CLEC1A: variants seen among roughly 807,000 people sequenced by gnomAD.
The protein encoded by CLEC1A is C-type lectin-like receptor-1.
CLEC1A carries 34 observed loss-of-function variants against 28.7 expected under a neutral mutation model. The observed-to-expected ratio is 1.18, with a 90% confidence interval of 0.90 to 1.57. The LOEUF is 1.57. Among genes scored for constraint, CLEC1A ranks in the 40% most tolerant of loss-of-function variants. The pLI, the probability that CLEC1A is intolerant of heterozygous loss-of-function variation, is 0.00. For missense variants in CLEC1A, 385 were observed against 339.5 expected (o/e 1.13, Z -1.05); for synonymous variants, 116 against 121.0 (o/e 0.96, Z 0.27).
intron 3 of CLEC1A, among the ~76,000 whole-genome samples, chr12:10,077,251 T>C (rs1389757930): frequency 6.6e-6 from 1 of 152,140 alleles, no homozygotes; most frequent in Non-Finnish European, 1.5e-5. Flanking sequence ...TGATATACTA[T>C]TACTTAAACC....
chr12:10,087,190 G>A (rs1399359469), intron 2 of CLEC1A, among the ~76,000 whole-genome samples: 7 of 93,100 alleles, frequency 7.5e-5, no homozygotes, highest in African/African-American at 3.0e-4. Context: ...GGGCGACAGT[G>A]TAAGACTCCA....
At chr12:10,096,224 T>C (rs1182879055) in intron 1 of CLEC1A, among the ~76,000 whole-genome samples, 4 of 152,290 alleles carry the variant, frequency 2.6e-5, no homozygotes, top group South Asian at 2.1e-4. Flanking sequence ...ATTCATCATC[T>C]TTCCTGTCCC....
rs144456767 is a variant in CLEC1A at position 10,086,827 on chromosome 12, C to A, written c.214+2297G>T. On this transcript the variant is annotated intron_variant, in intron 2 of 5. Transcript: ENST00000315330. ...CTATGAAGCCAGTATCACACTAATA[C>A]CAAAACCAGGAAAGCACAGAACAAA... Among the ~76,000 whole-genome samples, 1,222 of 152,184 alleles carry A rather than the reference C, an allele frequency of 8.0e-3. 9 individuals carry two copies. The highest frequency in any genetic ancestry group is 0.013 in the Non-Finnish European group (896 of 68,000).
intron 3 of CLEC1A, among the ~76,000 whole-genome samples, chr12:10,076,124 C>T (rs1291482598): frequency 6.6e-6 from 1 of 152,068 alleles, no homozygotes; most frequent in Non-Finnish European, 1.5e-5. Flanking sequence ...GAAAAAAATA[C>T]TGAGGCAAGC....
intron 1 of CLEC1A, among the ~76,000 whole-genome samples, chr12:10,094,078 A>G (rs1947745427): frequency 6.6e-6 from 1 of 152,142 alleles, no homozygotes; most frequent in Non-Finnish European, 1.5e-5. Flanking sequence ...TGAGGTTCTA[A>G]TTCACAGTAT....
At chr12:10,077,114 A>C (rs140646665) in intron 3 of CLEC1A, among the ~76,000 whole-genome samples, 1,976 of 152,296 alleles carry the variant, frequency 0.013, 25 homozygotes, top group Non-Finnish European at 0.02. Flanking sequence ...AGCAAGGGAC[A>C]ATTAGATCAA....
At chr12:10,087,522 G>GTT (rs1265898724) in intron 2 of CLEC1A, among the ~76,000 whole-genome samples, 2 of 37,608 alleles carry the variant, frequency 5.3e-5, no homozygotes, top group Non-Finnish European at 1.3e-4. Flanking sequence ...ATATATATTT[G>GTT]TTTTTTTTTT....
In CLEC1A at chr12:10,075,626, A is replaced by G; in HGVS notation, c.421T>C (p.Trp141Arg). 1.2e-6 allele frequency: 2 copies of G among 1,613,976 alleles called. No individual in the cohort carries two copies. The highest frequency in any genetic ancestry group is 1.7e-6 in the Non-Finnish European group (2 of 1,179,922). Residue 141 changes from tryptophan to arginine, a missense_variant, in exon 4 of 6, where the codon TGG becomes CGG. Physicochemically the swap from Trp to Arg is moderately radical, Grantham distance 101. Coordinates refer to ENST00000315330, the MANE Select transcript of CLEC1A (RefSeq NM_016511.4). The part of the protein sequence containing the change: ...AHRCSPCTEQ[W>R]KWHGDNCYQF... ...TAGCAATTGTCTCCATGCCATTTCC[A>G]TTGTTCTGTACAAGGGCTGCACCTG...
chr12:10,072,658 C>CTCTG (rs752577139), intron 5 of CLEC1A, among the ~76,000 whole-genome samples: 1 of 151,444 alleles, frequency 6.6e-6, no homozygotes, highest in African/African-American at 2.4e-5. Context: ...CTCTCTCTCT[C>CTCTG]TCTGTCTCTC....
chr12:10,084,821 C>CAAAAAAAAAAAAAAAAAAAA (rs57574014), intron 2 of CLEC1A, among the ~76,000 whole-genome samples: 1 of 83,742 alleles, frequency 1.2e-5, no homozygotes. Context: ...GACTCTGTAT[C>CAAAAAAAAAAAAAAAAAAAA]AAAAAAAAAA....
intron 3 of CLEC1A, among the ~76,000 whole-genome samples, chr12:10,078,681 C>T (rs1229710719): frequency 4.6e-5 from 7 of 152,124 alleles, no homozygotes; most frequent in East Asian, 1.9e-4. Context: ...AAATAAGGAA[C>T]GTTGGGGGCC....
chr12:10,077,770 A>T (rs537077432), intron 3 of CLEC1A, among the ~76,000 whole-genome samples: 77 of 151,866 alleles, frequency 5.1e-4, no homozygotes, highest in African/African-American at 1.8e-3. Context: ...TTTTTTTCTT[A>T]TAGTCCTTTC....
chr12:10,085,493 G>C (rs1866471188), intron 2 of CLEC1A, among the ~76,000 whole-genome samples: 1 of 144,446 alleles, frequency 6.9e-6, no homozygotes, highest in South Asian at 2.2e-4. Context: ...AGCCGGAGTA[G>C]CTATTCTTTT....
chr12:10,089,487 T>C (rs1866569636), intron 1 of CLEC1A, among the ~76,000 whole-genome samples: 1 of 152,042 alleles, frequency 6.6e-6, no homozygotes, highest in African/African-American at 2.4e-5. Flanking sequence ...AATCACACTA[T>C]GCATTACCAT....
intron 1 of CLEC1A, among the ~76,000 whole-genome samples, chr12:10,091,486 T>C (rs1490643044): frequency 6.6e-6 from 1 of 152,116 alleles, no homozygotes; most frequent in Non-Finnish European, 1.5e-5. Context: ...GCCATGTTGG[T>C]TTCTATACAT....
intron 2 of CLEC1A, among the ~76,000 whole-genome samples, chr12:10,087,157 A>T (rs937860609): frequency 2.0e-5 from 3 of 146,996 alleles, no homozygotes; most frequent in Non-Finnish European, 4.5e-5. Flanking sequence ...GTGAGCCGAG[A>T]TCATGCCACT....
chr12:10,092,582 A>G (rs1472482911), intron 1 of CLEC1A: 1 of 190,732 alleles, frequency 5.2e-6, no homozygotes, highest in South Asian at 5.9e-5. Context: ...ATAAAATAAG[A>G]TAAAATAAAA....
chr12:10,081,161 T>G (rs1483385343), intron 3 of CLEC1A, 76 bp downstream of exon 3: 2 of 1,296,554 alleles, frequency 1.5e-6, no homozygotes, highest in Admixed American at 5.1e-5. Context: ...AATACTTGAC[T>G]CTCACTTTCA....
intron 1 of CLEC1A, among the ~76,000 whole-genome samples, chr12:10,090,823 T>TTA (rs1555156969): frequency 6.6e-5 from 10 of 151,678 alleles, no homozygotes; most frequent in African/African-American, 1.5e-4. Context: ...CTCCTTTTTT[T>TTA]AAAAAAAATG....
Sources: allele counts gnomAD v4.1 joint callset (sites outside exome capture counted in the v4.1 genomes callset), GRCh38; gene constraint gnomAD v4.1.1; transcripts MANE v1.5; gene names NCBI Gene and HGNC (gene_info 2026-07-23, HGNC 2026-07-21).